The following ZNF438 variants were observed in gnomAD, a reference collection of about 807,000 sequenced individuals.
ZNF438 encodes the protein zinc finger protein 438.
ZNF438 carries 25 observed loss-of-function variants against 38.0 expected under a neutral mutation model. That is an observed-to-expected ratio of 0.66 (90% CI 0.48 to 0.92). The LOEUF (loss-of-function observed/expected upper bound fraction) is 0.92. Among genes scored for constraint, ZNF438 ranks in the 40% least tolerant of loss-of-function variants. ZNF438 has a pLI of 0.00. For missense variants in ZNF438, 1,007 were observed against 999.6 expected (o/e 1.01, Z -0.10); for synonymous variants, 372 against 364.1 (o/e 1.02, Z -0.25).
intron 3 of ZNF438, among the ~76,000 whole-genome samples, chr10:30,891,890 C>T (rs1247418988): frequency 3.3e-5 from 5 of 152,136 alleles, no homozygotes; most frequent in Non-Finnish European, 7.4e-5. Flanking sequence ...ATTTCCAATG[C>T]TAACAGAATG....
intron 1 of ZNF438, among the ~76,000 whole-genome samples, chr10:31,002,519 T>C (rs1277748252): frequency 1.3e-5 from 2 of 152,242 alleles, no homozygotes; most frequent in African/African-American, 4.8e-5. Flanking sequence ...AATCTGAATA[T>C]TGTTCTATTT....
At chr10:30,869,622 C>A (rs930642874) in intron 4 of ZNF438, among the ~76,000 whole-genome samples, 2 of 152,106 alleles carry the variant, frequency 1.3e-5, no homozygotes, top group African/African-American at 4.8e-5. Context: ...GTATAACATA[C>A]TAATAATGCA....
At chr10:30,867,009 A>T (rs1412401048) in intron 4 of ZNF438, among the ~76,000 whole-genome samples, 1 of 152,232 alleles carries the variant, frequency 6.6e-6, no homozygotes, top group Non-Finnish European at 1.5e-5. Flanking sequence ...TATGAGACTC[A>T]AAATCTAATA....
At chr10:30,939,028 T>G (rs1003011845) in intron 2 of ZNF438, among the ~76,000 whole-genome samples, 1 of 151,634 alleles carries the variant, frequency 6.6e-6, no homozygotes, top group Non-Finnish European at 1.5e-5. Flanking sequence ...TCTCCTGATC[T>G]TGTGATCTAC....
intron 1 of ZNF438, among the ~76,000 whole-genome samples, chr10:30,949,467 A>T (rs890009101): frequency 1.6e-4 from 24 of 152,254 alleles, no homozygotes; most frequent in African/African-American, 5.8e-4. Context: ...AATTGGACAA[A>T]GGGTCAAGAC....
At chr10:30,950,232 G>C (rs1436671316) in intron 1 of ZNF438, among the ~76,000 whole-genome samples, 1 of 151,764 alleles carries the variant, frequency 6.6e-6, no homozygotes, top group Admixed American at 6.6e-5. Flanking sequence ...CAGAATCTCT[G>C]GGACGCATTC....
intron 1 of ZNF438, among the ~76,000 whole-genome samples, chr10:30,991,294 T>C (rs2053464795): frequency 6.6e-6 from 1 of 151,894 alleles, no homozygotes; most frequent in Non-Finnish European, 1.5e-5. Flanking sequence ...TATGGTAGAG[T>C]TTCTATTCTG....
chr10:30,989,808 T>C (rs2053273996), intron 1 of ZNF438, among the ~76,000 whole-genome samples: 1 of 152,160 alleles, frequency 6.6e-6, no homozygotes, highest in Non-Finnish European at 1.5e-5. Flanking sequence ...AGAAAGAAGA[T>C]TTAAACACAC....
chr10:30,866,153 C>T (rs950939213), intron 4 of ZNF438, among the ~76,000 whole-genome samples: 3 of 152,026 alleles, frequency 2.0e-5, no homozygotes, highest in African/African-American at 7.3e-5. Flanking sequence ...GAGTACATGC[C>T]TTTTTAATAT....
Position 30,884,222 on chromosome 10 carries a change from C to G in ZNF438, c.-31-7157G>C, listed in dbSNP as rs139443568. On this transcript the variant is annotated intron_variant, in intron 3 of 5. Transcript: ENST00000413025. ...TCAAATGAAGCTGTATTGTTTTTTG[C>G]TGTGACACAAAGCATTGCTGCATTT... Among the ~76,000 whole-genome samples the G allele has an allele frequency of 1.7e-3, 264 of 152,144 alleles. 2 individuals are homozygous for G. Among genetic ancestry groups the G allele is most frequent in the African/African-American group, 5.5e-3 (230 of 41,538 alleles).
chr10:30,877,540 C>T (rs2038612903), intron 3 of ZNF438, among the ~76,000 whole-genome samples: 1 of 152,080 alleles, frequency 6.6e-6, no homozygotes, highest in East Asian at 1.9e-4. Context: ...ATGCGATGCA[C>T]TGGATAAACA....
intron 2 of ZNF438, among the ~76,000 whole-genome samples, chr10:30,922,150 T>C (rs1274710983): frequency 6.6e-6 from 1 of 152,182 alleles, no homozygotes; most frequent in Admixed American, 6.5e-5. Flanking sequence ...CTTACAGGGA[T>C]TACCTCTTCT....
intron 1 of ZNF438, among the ~76,000 whole-genome samples, chr10:30,981,128 A>G (rs898034084): frequency 1.3e-5 from 2 of 152,226 alleles, no homozygotes; most frequent in African/African-American, 4.8e-5. Flanking sequence ...CAGAGCTGCC[A>G]AAAGTTCTTG....
At chr10:31,016,940 C>T (rs2056238825) in intron 1 of ZNF438, among the ~76,000 whole-genome samples, 1 of 152,178 alleles carries the variant, frequency 6.6e-6, no homozygotes, top group African/African-American at 2.4e-5. Flanking sequence ...CTGGATTTAG[C>T]TTAAGGTCTA....
chr10:30,945,709 A>C (rs1194489237), intron 1 of ZNF438, among the ~76,000 whole-genome samples: 7 of 132,988 alleles, frequency 5.3e-5, no homozygotes, highest in Non-Finnish European at 9.4e-5. Context: ...AATTTCATCC[A>C]TGTCCCTACA....
chr10:30,898,709 T>A (rs1296946276), intron 3 of ZNF438, among the ~76,000 whole-genome samples: 1 of 152,154 alleles, frequency 6.6e-6, no homozygotes, highest in Non-Finnish European at 1.5e-5. Context: ...GTAGTCTTTT[T>A]TTCACTTTTG....
chr10:30,953,863 G>T (rs1193864266), intron 1 of ZNF438, among the ~76,000 whole-genome samples: 2 of 152,154 alleles, frequency 1.3e-5, no homozygotes, highest in Non-Finnish European at 2.9e-5. Context: ...GACAAAATAG[G>T]CCGGGCACAG....
At chr10:31,011,435 C>A (rs1188098841) in intron 1 of ZNF438, among the ~76,000 whole-genome samples, 3 of 152,108 alleles carry the variant, frequency 2.0e-5, no homozygotes, top group Middle Eastern at 3.2e-3. Flanking sequence ...GGTCTGAAAA[C>A]CTAGATCTAG....
chr10:30,982,649 T>G (rs1018026915), intron 1 of ZNF438, among the ~76,000 whole-genome samples: 10 of 152,164 alleles, frequency 6.6e-5, no homozygotes, highest in Non-Finnish European at 1.2e-4. Flanking sequence ...TTTCCCTTTA[T>G]GAAATTTAAC....
Sources: gnomAD v4.1 joint callset for allele counts (sites outside exome capture counted in the v4.1 genomes callset) on GRCh38, gnomAD v4.1.1 for gene constraint, MANE v1.5 for transcripts, NCBI Gene and HGNC (gene_info 2026-07-23, HGNC 2026-07-21) for gene names.